ALPK2: variants seen among roughly 807,000 people sequenced by gnomAD.
The protein encoded by ALPK2 is alpha-protein kinase 2.
Under a neutral mutation model 163.1 loss-of-function variants are expected in ALPK2, and 127 were observed. The observed-to-expected ratio is 0.78, with a 90% CI of 0.67 to 0.90. The LOEUF is 0.90. Among genes scored for constraint, ALPK2 ranks in the 40% least tolerant of loss-of-function variants. The pLI is 0.00. For missense variants in ALPK2, 2,360 were observed against 2,589.6 expected, an observed-to-expected ratio of 0.91 and a Z score of 1.92; for synonymous variants, 953 against 959.1, an observed-to-expected ratio of 0.99 and a Z score of 0.12.
intron 4 of ALPK2, among the ~76,000 whole-genome samples, chr18:58,540,149 G>C (rs1306300173): frequency 6.6e-6 from 1 of 152,216 alleles, no homozygotes; most frequent in African/African-American, 2.4e-5. Flanking sequence ...GCCTGTTATA[G>C]CGATTAGCAT....
At chr18:58,517,258 T>A (rs996066975) in intron 8 of ALPK2, 76 bp from the exon 9 acceptor site, 4 of 1,496,344 alleles carry the variant, frequency 2.7e-6, no homozygotes, top group African/African-American at 1.4e-5. Flanking sequence ...ATGGGGAGGG[T>A]CCCCACATAA....
chr18:58,576,722 G>A (rs1329690257), intron 4 of ALPK2, among the ~76,000 whole-genome samples: 1 of 152,122 alleles, frequency 6.6e-6, no homozygotes, highest in Non-Finnish European at 1.5e-5. Flanking sequence ...TCTCAAATAT[G>A]CCAGTCCCTG....
chr18:58,580,558 A>G lies in ALPK2; in HGVS notation c.228-10T>C. The G allele has an allele frequency of 6.2e-7, 1 of 1,608,716 alleles. No individual in the cohort carries two copies. Among genetic ancestry groups the G allele is most frequent in the Non-Finnish European group, 8.5e-7 (1 of 1,176,992 alleles). On this transcript the variant is annotated splice_polypyrimidine_tract_variant and intron_variant, in intron 3 of 12. Transcript: ENST00000361673. ...ATCATTTTTGGTACAGCTAGGATGA[A>G]GAGAATATATAGATAAGTTTGCCAC...
Position 58,482,948 on chromosome 18 carries a change from T to G in ALPK2, c.6297-909A>C, listed in dbSNP as rs949126186. ...GAAAGGGTAGTAGGCTATTGCAGCT[T>G]GTTTAGTAGCTAGGAAAGTGACCCT... On this transcript the variant is annotated intron_variant, in intron 12 of 12. Coordinates refer to ENST00000361673, the MANE Select transcript of ALPK2 (RefSeq NM_052947.4). 4.7e-4 allele frequency among the ~76,000 whole-genome samples: 72 copies of G among 152,158 alleles called. 1 individual carries two copies. The highest frequency in any genetic ancestry group is 1.0e-4 in the Non-Finnish European group (7 of 68,024).
Position 58,580,465 on chromosome 18 carries a change from A to G in ALPK2, c.311T>C (p.Val104Ala). 1 of 1,614,146 alleles carries G rather than the reference A, an allele frequency of 6.2e-7. No homozygotes were observed. Among genetic ancestry groups the G allele is most frequent in the Non-Finnish European group, 8.5e-7 (1 of 1,180,016 alleles). The change falls in exon 4 of 13, where the codon GTT becomes GCT. Residue 104 changes from valine to alanine, a missense_variant. Physicochemically the swap from Val to Ala is moderately conservative, Grantham distance 64. Coordinates refer to ENST00000361673, the MANE Select transcript of ALPK2 (RefSeq NM_052947.4). ...TTGTGGGTTCTCTGATGAGCACTCA[A>G]CCTCAACGGAAGCAGAACAACAGAT... ...GMICCSASVE[V>A]ECSSENPQLS...
chr18:58,510,260 C>T (rs954287700), intron 10 of ALPK2, among the ~76,000 whole-genome samples: 3 of 152,126 alleles, frequency 2.0e-5, no homozygotes, highest in African/African-American at 4.8e-5. Flanking sequence ...GTTTTGGTAC[C>T]AGTACCATGC....
At chr18:58,558,542 C>T (rs1602217879) in intron 4 of ALPK2, among the ~76,000 whole-genome samples, 2 of 152,202 alleles carry the variant, frequency 1.3e-5, no homozygotes, top group African/African-American at 4.8e-5. Flanking sequence ...AAAGGTTACA[C>T]ATCGAGTTAC....
chr18:58,535,901 C>T lies in ALPK2; in HGVS notation c.4286G>A (p.Gly1429Asp). The part of the protein sequence containing the change: ...KPEPSETTPQ[G>D]AREGGQSNDG... ...ATTTGATTGACCCCCTTCTCTGGCG[C>T]CCTGTGGTGTGGTTTCAGAGGGCTC... The change falls in exon 5 of 13, where the codon GGC (glycine) becomes GAC (aspartate). Residue 1429 changes from glycine to aspartate, a missense_variant. Physicochemically the swap from Gly to Asp is moderately conservative, Grantham distance 94. Coordinates refer to ENST00000361673, the MANE Select transcript of ALPK2 (RefSeq NM_052947.4). The T allele has an allele frequency of 6.2e-7, 1 of 1,614,174 alleles. No homozygotes were observed. The highest frequency in any genetic ancestry group is 1.1e-5 in the South Asian group (1 of 91,086).
chr18:58,496,726 G>A (rs1029193717), intron 12 of ALPK2, among the ~76,000 whole-genome samples: 18 of 152,324 alleles, frequency 1.2e-4, no homozygotes, highest in African/African-American at 4.1e-4. Context: ...TATTTTCTGT[G>A]TTTCTGATGC....
intron 1 of ALPK2, among the ~76,000 whole-genome samples, chr18:58,625,790 GT>G (rs369202522): frequency 3.7e-4 from 56 of 152,348 alleles, no homozygotes; most frequent in African/African-American, 1.2e-3. Context: ...AGGGTGCAGT[GT>G]AACCAGAACT....
chr18:58,593,679 AC>A (rs1337060909), intron 3 of ALPK2, among the ~76,000 whole-genome samples: 12 of 151,466 alleles, frequency 7.9e-5, no homozygotes, highest in Admixed American at 2.0e-4. Context: ...AGAGTTTAAC[AC>A]CAGCCTGGCC....
intron 12 of ALPK2, among the ~76,000 whole-genome samples, chr18:58,493,291 G>A (rs142332764): frequency 1.9e-4 from 29 of 152,262 alleles, no homozygotes; most frequent in Non-Finnish European, 3.7e-4. Flanking sequence ...CTGTTCCAAT[G>A]TCCCTTTGTT....
In ALPK2 at chr18:58,627,973, A is replaced by C. The variant is rs2052240454; in HGVS notation, c.-21+791T>G. 2.0e-5 allele frequency among the ~76,000 whole-genome samples: 3 copies of C among 152,210 alleles called. No homozygotes were observed. In the South Asian group the frequency reaches 6.2e-4, roughly 32 times the overall value. Reference sequence around the variant, plus strand: ...AGGAAAAGGTTGTGGAAAGAAAATAATTAGAGCAGAAGCAGCTCTAAATGC... The same window carrying C: ...AGGAAAAGGTTGTGGAAAGAAAATACTTAGAGCAGAAGCAGCTCTAAATGC... On this transcript the variant is annotated intron_variant, in intron 1 of 12. Transcript: ENST00000361673.
intron 1 of ALPK2, among the ~76,000 whole-genome samples, chr18:58,625,014 C>T (rs61115112): frequency 0.1 from 15,809 of 152,140 alleles, 995 homozygotes; most frequent in African/African-American, 0.18. Context: ...TTTCTGATTT[C>T]CATATTCATT....
intron 12 of ALPK2, among the ~76,000 whole-genome samples, chr18:58,496,027 G>A (rs1056784331): frequency 6.6e-6 from 1 of 152,086 alleles, no homozygotes; most frequent in Non-Finnish European, 1.5e-5. Flanking sequence ...CCATAAATAG[G>A]GCACCATATA....
Position 58,537,980 on chromosome 18 carries a change from T to A in ALPK2, c.2207A>T (p.Asp736Val). The part of the protein sequence containing the change: ...DGNIPDNFRE[D>V]LKYEQSISEA... ...TGAGATGCTCTGCTCATATTTTAGG[T>A]CTTCCCTGAAATTGTCAGGTATGTT... is the stretch of plus-strand genomic sequence containing the variant. Residue 736 changes from aspartate (D) to valine (V), a missense_variant, in exon 5 of 13, where the codon GAC becomes GTC. Physicochemically the swap from Asp to Val is radical, Grantham distance 152. Transcript: ENST00000361673. 6.2e-7 allele frequency: 1 copy of A among 1,614,228 alleles called. No individual in the cohort carries two copies. The highest frequency in any genetic ancestry group is 2.2e-5 in the East Asian group (1 of 44,884).
At chr18:58,603,272 C>T (rs2052080837) in intron 3 of ALPK2, among the ~76,000 whole-genome samples, 1 of 152,176 alleles carries the variant, frequency 6.6e-6, no homozygotes, top group South Asian at 2.1e-4. Context: ...TGCAGAAATC[C>T]TATTTCTAAA....
At chr18:58,548,233 G>A (rs1602212170) in intron 4 of ALPK2, among the ~76,000 whole-genome samples, 1 of 152,120 alleles carries the variant, frequency 6.6e-6, no homozygotes, top group East Asian at 1.9e-4. Flanking sequence ...AGAAAATGCA[G>A]GTTTGGGGAT....
At chr18:58,496,712 A>C (rs941389532) in intron 12 of ALPK2, among the ~76,000 whole-genome samples, 2 of 152,046 alleles carry the variant, frequency 1.3e-5, no homozygotes, top group African/African-American at 4.8e-5. Flanking sequence ...TCATCCCACC[A>C]CTTTATTTTC....
Sources: allele counts gnomAD v4.1 joint callset (sites outside exome capture counted in the v4.1 genomes callset), GRCh38; gene constraint gnomAD v4.1.1; transcripts MANE v1.5; gene names NCBI Gene and HGNC (gene_info 2026-07-23, HGNC 2026-07-21).